AGAP1: variants seen among roughly 807,000 people sequenced by gnomAD.
The protein encoded by AGAP1 is ArfGAP with GTPase domain, ankyrin repeat and PH domain 1, also known as arf-GAP with GTPase, ANK repeat and PH domain-containing protein 1.
A neutral mutation model predicts 105.3 loss-of-function variants in AGAP1; 29 were observed. The observed-to-expected ratio is 0.28, with a 90% CI of 0.21 to 0.38. The LOEUF is 0.38. Among genes scored for constraint, AGAP1 ranks in the 10% least tolerant of loss-of-function variants. The pLI is 1.00. For missense variants in AGAP1, 998 were observed against 1,165.1 expected (o/e 0.86, Z 2.09); for synonymous variants, 509 against 485.9 (o/e 1.05, Z -0.63).
At chr2:235,580,180 C>T (rs6754116) in intron 1 of AGAP1, among the ~76,000 whole-genome samples, 58,595 of 151,956 alleles carry the variant, frequency 0.39, 11,606 homozygotes, top group Middle Eastern at 0.55. Context: ...CATCTTTTGG[C>T]TACAGGGAAC....
chr2:235,686,626 TATATATATATATATATATAG>T (rs1241386135), intron 1 of AGAP1, among the ~76,000 whole-genome samples: 20 of 38,118 alleles, frequency 5.2e-4, no homozygotes, highest in African/African-American at 2.5e-3. Context: ...TATAGATATA[TATATATATATATATATATAG>T]ATATATATAT....
At chr2:235,796,037 T>C (rs1957227749) in intron 6 of AGAP1, among the ~76,000 whole-genome samples, 1 of 152,208 alleles carries the variant, frequency 6.6e-6, no homozygotes, top group Non-Finnish European at 1.5e-5. Flanking sequence ...TGCATCCTAG[T>C]CCTATTTAAT....
In AGAP1 at chr2:235,728,689, T is replaced by C. The variant is rs1387155372; in HGVS notation, c.310+11045T>C. ...CCCCATTTCTTAATGTTGTATATTT[T>C]TTTAAAAATTAACACCACCATAAGC... On this transcript the variant is annotated intron_variant, in intron 3 of 17. Coordinates refer to ENST00000304032, the MANE Select transcript of AGAP1 (RefSeq NM_001037131.3). The surrounding 1 kb of genome is among the most constrained non-coding windows in gnomAD (Gnocchi z 4.3). Among the ~76,000 whole-genome samples, 1 of 151,676 alleles carries C rather than the reference T, an allele frequency of 6.6e-6. No individual in the cohort carries two copies. Among genetic ancestry groups the C allele is most frequent in the East Asian group, 1.9e-4 (1 of 5,172 alleles).
rs2060061324 is a variant in AGAP1, at chr2:236,129,995, C to CT, written c.*5875dup. 2 of 152,176 alleles carry CT rather than the reference C, an allele frequency of 1.3e-5. No homozygotes were observed. Among genetic ancestry groups the CT allele is most frequent in the South Asian group, 4.1e-4 (2 of 4,826 alleles). 9.4% of individuals were successfully genotyped at this position (152,176 alleles called of 1,614,324 possible). The stretch of plus-strand genomic sequence containing the variant: ...TTTGCACCTGTTGGGTAGAACTGTT[C>CT]TTGTCTGAGGTCCTCACCCTCTACA... On this transcript the variant is annotated 3_prime_UTR_variant, in exon 18 of 18. Transcript: ENST00000304032. This position sits in a 1 kb window ranked among gnomAD's most constrained non-coding sequence, Gnocchi z 6.2.
intron 12 of AGAP1, among the ~76,000 whole-genome samples, chr2:235,944,752 G>A (rs2053412498): frequency 6.6e-6 from 1 of 152,162 alleles, no homozygotes; most frequent in African/African-American, 2.4e-5. Flanking sequence ...GGCACGTCAG[G>A]CCTTCATCAA....
intron 1 of AGAP1, among the ~76,000 whole-genome samples, chr2:235,658,215 G>A (rs1947836512): frequency 6.6e-6 from 1 of 152,096 alleles, no homozygotes; most frequent in Non-Finnish European, 1.5e-5. Context: ...CTTTTGCAAA[G>A]CGTTTTTTCT....
rs1257749354 is a variant in AGAP1, at chr2:235,725,044, C to G, written c.310+7400C>G. ...GGGGTCAGGCTGTGCTGCACTGAGG[C>G]TGAAGGGTTCTGGGATTTTCCACTG... On this transcript the variant is annotated intron_variant, in intron 3 of 17. Coordinates refer to ENST00000304032, the MANE Select transcript of AGAP1 (RefSeq NM_001037131.3). The surrounding 1 kb of genome is among the most constrained non-coding windows in gnomAD (Gnocchi z 5.7). Among the ~76,000 whole-genome samples the G allele has an allele frequency of 1.3e-5, 2 of 152,142 alleles. No homozygotes were observed. Among genetic ancestry groups the G allele is most frequent in the Admixed American group, 1.3e-4 (2 of 15,286 alleles).
At chr2:235,593,993 G>GA (rs375707021) in intron 1 of AGAP1, among the ~76,000 whole-genome samples, 8 of 151,326 alleles carry the variant, frequency 5.3e-5, no homozygotes, top group East Asian at 1.9e-4. Flanking sequence ...AGAAGAGAAG[G>GA]AAAAAAAATC....
intron 1 of AGAP1, among the ~76,000 whole-genome samples, chr2:235,532,494 C>G (rs1409718662): frequency 6.6e-6 from 1 of 152,226 alleles, no homozygotes; most frequent in Non-Finnish European, 1.5e-5. Flanking sequence ...GTGTGAGCCA[C>G]TGCACCTGCC....
intron 13 of AGAP1, among the ~76,000 whole-genome samples, chr2:236,024,021 G>GTTT (rs1278589760): frequency 8.9e-6 from 1 of 112,138 alleles, no homozygotes; most frequent in Non-Finnish European, 1.8e-5. Context: ...GTGGTTGGTT[G>GTTT]TTTTTTTTTT....
At chr2:235,595,598 A>T (rs2149221555) in intron 1 of AGAP1, among the ~76,000 whole-genome samples, 1 of 152,288 alleles carries the variant, frequency 6.6e-6, no homozygotes. Flanking sequence ...TGGGGGACTC[A>T]TTTCCAGCAG....
chr2:235,623,862 T>C lies in AGAP1; in HGVS notation c.164-85317T>C, dbSNP rs901566548. 6.6e-6 allele frequency among the ~76,000 whole-genome samples: 1 copy of C among 152,214 alleles called. No individual in the cohort carries two copies. Among genetic ancestry groups the C allele is most frequent in the African/African-American group, 2.4e-5 (1 of 41,462 alleles). On this transcript the variant is annotated intron_variant, in intron 1 of 17. Transcript: ENST00000304032. The surrounding 1 kb of genome is among the most constrained non-coding windows in gnomAD (Gnocchi z 4.5). ...AAAGGTCAGAATTAATAAGGTGTAG[T>C]GCCCAAGAGGAATATTTTGTTTCCA...
At chr2:235,749,486 A>G (rs375582911) in intron 5 of AGAP1, among the ~76,000 whole-genome samples, 370 of 152,128 alleles carry the variant, frequency 2.4e-3, no homozygotes, top group Non-Finnish European at 4.2e-3. Context: ...GGGGGGATCC[A>G]GGTCACCTGT....
At position 236,042,356 on chromosome 2, in the gene AGAP1, G is replaced by A. The variant is rs530550221; in HGVS notation, c.1891+1515G>A. Among the ~76,000 whole-genome samples, 3 of 152,196 alleles carry A rather than the reference G, an allele frequency of 2.0e-5. No homozygotes were observed. Among genetic ancestry groups the A allele is most frequent in the South Asian group, 2.1e-4 (1 of 4,826 alleles). ...CGGCCTCTCTGGAAGCCTGTCCTGC[G>A]GGTGAGGGAAGGGGTTCTTCTCCAG... is the stretch of plus-strand genomic sequence containing the variant. On this transcript the variant is annotated intron_variant, in intron 15 of 17. Transcript: ENST00000304032. This position sits in a 1 kb window ranked among gnomAD's most constrained non-coding sequence, Gnocchi z 5.6.
At chr2:235,572,412 G>C (rs1944558088) in intron 1 of AGAP1, among the ~76,000 whole-genome samples, 1 of 152,080 alleles carries the variant, frequency 6.6e-6, no homozygotes, top group African/African-American at 2.4e-5. Flanking sequence ...TCTTCAGGCA[G>C]TGGGGGTGAT....
At chr2:235,761,604 T>G (rs970042792) in intron 6 of AGAP1, among the ~76,000 whole-genome samples, 1 of 152,256 alleles carries the variant, frequency 6.6e-6, no homozygotes. Flanking sequence ...GTTCATAATC[T>G]GTTCATAATG....
At chr2:235,791,452 T>C (rs1487937490) in intron 6 of AGAP1, among the ~76,000 whole-genome samples, 1 of 152,188 alleles carries the variant, frequency 6.6e-6, no homozygotes, top group Admixed American at 6.5e-5. Flanking sequence ...GGGGATGGAT[T>C]AGGGACAAAC....
chr2:235,949,591 A>G (rs2053645824), intron 12 of AGAP1, among the ~76,000 whole-genome samples: 1 of 151,146 alleles, frequency 6.6e-6, no homozygotes, highest in Non-Finnish European at 1.5e-5. Context: ...CGCTTTGGGC[A>G]TGCCTAGCGA....
chr2:236,048,510 G>A (rs1444318588), intron 15 of AGAP1, among the ~76,000 whole-genome samples: 1 of 152,228 alleles, frequency 6.6e-6, no homozygotes, highest in Non-Finnish European at 1.5e-5. Flanking sequence ...CACTGAAAAC[G>A]ATATTTCTTC....
Sources: allele counts gnomAD v4.1 joint callset (sites outside exome capture counted in the v4.1 genomes callset), GRCh38; gene constraint gnomAD v4.1.1; non-coding constraint Gnocchi (gnomAD v3.1); transcripts MANE v1.5; gene names NCBI Gene and HGNC (gene_info 2026-07-23, HGNC 2026-07-21).